LRMDA: variants seen among roughly 807,000 people sequenced by gnomAD.
The protein encoded by LRMDA is leucine-rich melanocyte differentiation-associated protein.
Under a neutral mutation model 29.8 loss-of-function variants are expected in LRMDA, and 18 were observed. The observed-to-expected ratio is 0.60, with a 90% CI of 0.42 to 0.90. LRMDA has a LOEUF of 0.90. Among genes scored for constraint, LRMDA ranks in the 40% least tolerant of loss-of-function variants. The probability of loss-of-function intolerance (pLI) is 0.00; values close to 1 mark genes in which losing one functional copy is unlikely to be tolerated. For missense variants in LRMDA, 273 were observed against 273.9 expected, an observed-to-expected ratio of 1.00 and a Z score of 0.02; for synonymous variants, 125 against 109.4, an observed-to-expected ratio of 1.14 and a Z score of -0.89.
intron 2 of LRMDA, among the ~76,000 whole-genome samples, chr10:75,791,467 GA>G (rs1843563911): frequency 6.6e-6 from 1 of 152,086 alleles, no homozygotes; most frequent in Non-Finnish European, 1.5e-5. Context: ...AGGGGAATAG[GA>G]AAAATTACAA....
intron 5 of LRMDA, among the ~76,000 whole-genome samples, chr10:76,259,021 A>G (rs1238386559): frequency 1.3e-5 from 2 of 152,066 alleles, no homozygotes; most frequent in South Asian, 2.1e-4. Flanking sequence ...TTTTATTTGT[A>G]GTTTTTAAGG....
intron 2 of LRMDA, among the ~76,000 whole-genome samples, chr10:75,950,008 C>A (rs1846545734): frequency 1.3e-5 from 2 of 152,146 alleles, no homozygotes; most frequent in South Asian, 4.1e-4. Context: ...AGGAGAGGGT[C>A]TCTGGAATCA....
intron 5 of LRMDA, among the ~76,000 whole-genome samples, chr10:76,233,930 C>G (rs1485543236): frequency 6.6e-6 from 1 of 152,194 alleles, no homozygotes; most frequent in Non-Finnish European, 1.5e-5. Context: ...TCACTTCTTT[C>G]AAACTCCTGT....
intron 2 of LRMDA, among the ~76,000 whole-genome samples, chr10:76,035,609 G>GGGAA (rs1848228009): frequency 6.6e-6 from 1 of 152,220 alleles, no homozygotes; most frequent in African/African-American, 2.4e-5. Context: ...ACTTGAATTT[G>GGGAA]TGTCCAGGGA....
At chr10:76,418,681 C>A (rs1249137066) in intron 6 of LRMDA, among the ~76,000 whole-genome samples, 2 of 151,638 alleles carry the variant, frequency 1.3e-5, no homozygotes, top group African/African-American at 4.8e-5. Context: ...TGAAAGATAC[C>A]CTTGTCTCAT....
At chr10:76,412,023 G>C (rs187368862) in intron 6 of LRMDA, among the ~76,000 whole-genome samples, 1 of 152,324 alleles carries the variant, frequency 6.6e-6, no homozygotes, top group East Asian at 1.9e-4. Flanking sequence ...GCCTCTGTTT[G>C]CCAATGGTTT....
At chr10:76,188,863 T>A (rs1476358204) in intron 5 of LRMDA, among the ~76,000 whole-genome samples, 1 of 151,932 alleles carries the variant, frequency 6.6e-6, no homozygotes, top group Non-Finnish European at 1.5e-5. Flanking sequence ...GTTCCCAAAA[T>A]TTCTCAGTTC....
intron 2 of LRMDA, among the ~76,000 whole-genome samples, chr10:75,614,389 C>T (rs1172219840): frequency 1.3e-5 from 2 of 152,194 alleles, no homozygotes; most frequent in African/African-American, 2.4e-5. Flanking sequence ...CACTCTCCTC[C>T]AGCCCATTGT....
chr10:76,264,451 A>G (rs1050258537), intron 5 of LRMDA, among the ~76,000 whole-genome samples: 1 of 132,990 alleles, frequency 7.5e-6, no homozygotes, highest in African/African-American at 2.8e-5. Context: ...AAAAAAAAAA[A>G]AAAAAACACG....
intron 2 of LRMDA, among the ~76,000 whole-genome samples, chr10:76,004,652 C>T (rs570295427): frequency 2.0e-5 from 3 of 151,602 alleles, no homozygotes; most frequent in Non-Finnish European, 1.5e-5. Flanking sequence ...ATTTTGTTGT[C>T]GATAGTGTAG....
At chr10:76,524,126 G>C (rs1843150167) in intron 6 of LRMDA, among the ~76,000 whole-genome samples, 1 of 152,196 alleles carries the variant, frequency 6.6e-6, no homozygotes, top group Non-Finnish European at 1.5e-5. Context: ...AGAGGGAACC[G>C]GGAGGTTTGC....
chr10:76,039,097 A>T (rs532274669), intron 3 of LRMDA, among the ~76,000 whole-genome samples: 1 of 152,360 alleles, frequency 6.6e-6, no homozygotes, highest in Admixed American at 6.5e-5. Context: ...TAGTACAAGT[A>T]GTCTTCAAGT....
intron 2 of LRMDA, among the ~76,000 whole-genome samples, chr10:75,786,773 A>G (rs1253405815): frequency 1.3e-5 from 2 of 152,022 alleles, no homozygotes; most frequent in Admixed American, 1.3e-4. Context: ...TGTGTAATTC[A>G]TTTTCCTTTT....
At chr10:76,057,197 T>C (rs1848629745) in intron 4 of LRMDA, among the ~76,000 whole-genome samples, 1 of 152,204 alleles carries the variant, frequency 6.6e-6, no homozygotes. Context: ...TCTTGCTCTG[T>C]GCTCCCATAA....
At chr10:75,708,160 T>C (rs1842391998) in intron 2 of LRMDA, among the ~76,000 whole-genome samples, 1 of 152,170 alleles carries the variant, frequency 6.6e-6, no homozygotes, top group Non-Finnish European at 1.5e-5. Flanking sequence ...TGTAATAAGC[T>C]GTAGGTACAG....
At chr10:75,478,046 T>C (rs974683469) in intron 2 of LRMDA, among the ~76,000 whole-genome samples, 1 of 152,154 alleles carries the variant, frequency 6.6e-6, no homozygotes, top group African/African-American at 2.4e-5. Flanking sequence ...TGCTGAGGCC[T>C]CCTTTCTGGA....
chr10:76,296,375 G>A (rs987458103), intron 5 of LRMDA, among the ~76,000 whole-genome samples: 1 of 152,182 alleles, frequency 6.6e-6, no homozygotes, highest in South Asian at 2.1e-4. Flanking sequence ...GCTTATTCAC[G>A]AGGTGGAGAA....
At chr10:75,963,710 T>C (rs1450806737) in intron 2 of LRMDA, among the ~76,000 whole-genome samples, 2 of 152,218 alleles carry the variant, frequency 1.3e-5, no homozygotes, top group Non-Finnish European at 2.9e-5. Context: ...TTGTACCTGC[T>C]TTTGAGTGAG....
At chr10:75,435,805 A>G (rs1010279200) in intron 1 of LRMDA, among the ~76,000 whole-genome samples, 12 of 152,256 alleles carry the variant, frequency 7.9e-5, no homozygotes, top group South Asian at 4.1e-4. Flanking sequence ...CCCAGGCTCT[A>G]ACACTCTTCT....
Sources: gnomAD v4.1 joint callset for allele counts (sites outside exome capture counted in the v4.1 genomes callset) on GRCh38, gnomAD v4.1.1 for gene constraint, MANE v1.5 for transcripts, NCBI Gene and HGNC (gene_info 2026-07-23, HGNC 2026-07-21) for gene names.